The following MIOS variants were observed in gnomAD, a reference collection of about 807,000 sequenced individuals.
The protein encoded by MIOS is GATOR2 complex protein MIOS.
MIOS carries 52 observed loss-of-function variants against 96.9 expected under a neutral mutation model. That is an observed-to-expected ratio of 0.54 (90% CI 0.43 to 0.68). MIOS has a LOEUF of 0.68. MIOS is among the 30% of genes least tolerant of loss of function. The pLI is 0.00. For synonymous variants in MIOS, 397 were observed against 359.5 expected, an observed-to-expected ratio of 1.10 and a Z score of -1.18; for missense variants, 1,005 against 1,052.8, an observed-to-expected ratio of 0.95 and a Z score of 0.63.
In MIOS at chr7:7,585,656, G is replaced by A. The variant is rs181350559; in HGVS notation, c.1669G>A (p.Val557Ile). 8.5e-4 allele frequency: 1,357 copies of A among 1,588,660 alleles called. 10 individuals carry two copies. Among genetic ancestry groups the A allele is most frequent in the East Asian group, 5.3e-4 (23 of 43,156 alleles). ...TGCAGGAGATCTGAATCTCAATGTG[G>A]TAGCAATGGCTTTATCGGGTTATAC... ...SEKGDLNLNV[V>I]AMALSGYTDE... Residue 557 changes from valine (V) to isoleucine (I), a missense_variant, in exon 7 of 13, where the codon GTA (valine) becomes ATA (isoleucine). This residue lies in a region of MIOS where 865 missense variants were observed against 887.9 expected (regional missense o/e 0.97). Transcript: ENST00000340080.
intron 11 of MIOS, among the ~76,000 whole-genome samples, chr7:7,597,986 A>T (rs1175697076): frequency 6.6e-6 from 1 of 152,210 alleles, no homozygotes; most frequent in Non-Finnish European, 1.5e-5. Flanking sequence ...ATGGTTAGAA[A>T]TATTAAGATT....
intron 7 of MIOS, among the ~76,000 whole-genome samples, chr7:7,587,683 A>ATATG (rs1487804880): frequency 6.6e-6 from 1 of 152,142 alleles, no homozygotes; most frequent in Non-Finnish European, 1.5e-5. Context: ...GTTATATGAA[A>ATATG]TATGTTCTCT....
intron 11 of MIOS, among the ~76,000 whole-genome samples, chr7:7,598,205 T>G (rs1047268437): frequency 1.3e-5 from 2 of 152,220 alleles, no homozygotes; most frequent in Non-Finnish European, 2.9e-5. Context: ...AATGTCTGTT[T>G]TAATTCTAAC....
chr7:7,603,536 G>A (rs902754037), intron 11 of MIOS, among the ~76,000 whole-genome samples: 5 of 152,302 alleles, frequency 3.3e-5, no homozygotes, highest in African/African-American at 1.2e-4. Flanking sequence ...CAGTTAGAAT[G>A]GCGATCATTA....
Position 7,573,507 on chromosome 7 carries a change from C to G in MIOS, c.1032C>G (p.Asn344Lys). Residue 344 changes from asparagine to lysine, a missense_variant, in exon 4 of 13, where the codon AAC becomes AAG. Asn to Lys is a moderately conservative substitution (Grantham distance 94, BLOSUM62 0). This residue lies in a region of MIOS where 865 missense variants were observed against 887.9 expected (regional missense o/e 0.97). Transcript: ENST00000340080. The surrounding 1 kb of genome is among the most constrained non-coding windows in gnomAD (Gnocchi z 5.0). ...SQNRMIVVTP[N>K]RTMSDFTVFE... ...ATCGAATGATAGTTGTAACTCCCAA[C>G]CGAACAATGTCAGACTTCACTGTTT... The G allele has an allele frequency of 6.2e-7, 1 of 1,614,118 alleles. No homozygotes were observed.
rs538490864 is a variant in MIOS, at chr7:7,588,876, A to G, written c.1884+313A>G. ...CATTTTTACTACATTAAACAATGCTAAATGCCTATGCTGTGTATATAGTGA... is the reference window on the plus strand; with the variant it reads ...CATTTTTACTACATTAAACAATGCTGAATGCCTATGCTGTGTATATAGTGA... On this transcript the variant is annotated intron_variant, in intron 8 of 12. Coordinates refer to ENST00000340080, the MANE Select transcript of MIOS (RefSeq NM_019005.4). Among the ~76,000 whole-genome samples the G allele has an allele frequency of 2.6e-5, 4 of 152,246 alleles. No individual in the cohort carries two copies. The South Asian group carries it at 8.3e-4, about 32-fold the overall frequency.
At chr7:7,606,972 C>A (rs1222149834) in intron 12 of MIOS, 24 bp from the exon 13 acceptor site, 5 of 1,540,504 alleles carry the variant, frequency 3.2e-6, no homozygotes. Context: ...GGATTTTTAA[C>A]TGTTATTTGA....
chr7:7,604,110 T>C (rs1208917466), intron 11 of MIOS, among the ~76,000 whole-genome samples: 2 of 152,026 alleles, frequency 1.3e-5, no homozygotes, highest in Non-Finnish European at 2.9e-5. Context: ...ATATACCTAA[T>C]GCTAAATGAC....
At chr7:7,597,468 TTATATATA>T (rs1160646084) in intron 11 of MIOS, among the ~76,000 whole-genome samples, 198 of 11,642 alleles carry the variant, frequency 0.017, no homozygotes, top group Middle Eastern at 0.062. Flanking sequence ...CCTAGTAAAT[TTATATATA>T]TATATATATA....
intron 3 of MIOS, among the ~76,000 whole-genome samples, chr7:7,571,004 G>A (rs1253882146): frequency 6.6e-6 from 1 of 152,134 alleles, no homozygotes; most frequent in Non-Finnish European, 1.5e-5. Flanking sequence ...AAAAAGAAAA[G>A]CAATTATGTT....
chr7:7,571,266 A>G (rs1783343158), intron 3 of MIOS, among the ~76,000 whole-genome samples: 1 of 152,214 alleles, frequency 6.6e-6, no homozygotes, highest in African/African-American at 2.4e-5. Flanking sequence ...ACCATTTTTA[A>G]CTATAGCTAT....
At chr7:7,599,936 C>T (rs1216146585) in intron 11 of MIOS, among the ~76,000 whole-genome samples, 1 of 152,010 alleles carries the variant, frequency 6.6e-6, no homozygotes, top group Admixed American at 6.5e-5. Flanking sequence ...AACAGAAAAC[C>T]AAATACCACA....
At chr7:7,593,820 A>G (rs1004025156) in intron 9 of MIOS, among the ~76,000 whole-genome samples, 1 of 143,510 alleles carries the variant, frequency 7.0e-6, no homozygotes, top group African/African-American at 2.6e-5. Context: ...CAGAGGTTGC[A>G]GTGAGCCGAG....
At chr7:7,590,583 C>G (rs1784019195) in intron 9 of MIOS, among the ~76,000 whole-genome samples, 2 of 152,142 alleles carry the variant, frequency 1.3e-5, no homozygotes, top group African/African-American at 4.8e-5. Context: ...ATGGTTAAGT[C>G]TACCATCTTG....
chr7:7,569,000 T>C lies in MIOS; in HGVS notation c.-41+877T>C, dbSNP rs112601729. ...ATGTTTTGTAAGATGGATTTTTCTTTGTGGCATCAAGATTGCTTACCATAG... is the reference window on the plus strand; with the variant it reads ...ATGTTTTGTAAGATGGATTTTTCTTCGTGGCATCAAGATTGCTTACCATAG... On this transcript the variant is annotated intron_variant, in intron 3 of 12. Coordinates refer to ENST00000340080, the MANE Select transcript of MIOS (RefSeq NM_019005.4). Among the ~76,000 whole-genome samples the C allele has an allele frequency of 4.4e-3, 667 of 152,366 alleles. 3 individuals are homozygous for C. Among genetic ancestry groups the C allele is most frequent in the African/African-American group, 0.015 (628 of 41,576 alleles).
chr7:7,578,903 G>T (rs1450050284), intron 5 of MIOS, among the ~76,000 whole-genome samples: 2 of 152,044 alleles, frequency 1.3e-5, no homozygotes, highest in African/African-American at 2.4e-5. Flanking sequence ...TAGAGACAGG[G>T]TTTTGCCACA....
intron 5 of MIOS, among the ~76,000 whole-genome samples, chr7:7,575,328 C>G (rs563206655): frequency 6.6e-6 from 1 of 152,040 alleles, no homozygotes; most frequent in East Asian, 1.9e-4. Flanking sequence ...TTTTTAACGT[C>G]TTTCAAATTA....
chr7:7,572,446 T>G lies in MIOS; in HGVS notation c.-30T>G. On this transcript the variant is annotated 5_prime_UTR_variant, in exon 4 of 13. Coordinates refer to ENST00000340080, the MANE Select transcript of MIOS (RefSeq NM_019005.4). This position sits in a 1 kb window ranked among gnomAD's most constrained non-coding sequence, Gnocchi z 4.8. ...TTTAAACATTTTCAGTGAATGGACC[T>G]GAGTGGACCCTTTGATCACATCAGT... The G allele has an allele frequency of 1.3e-6, 2 of 1,536,684 alleles. No individual in the cohort carries two copies. Among genetic ancestry groups the G allele is most frequent in the Non-Finnish European group, 1.8e-6 (2 of 1,124,594 alleles).
At chr7:7,592,022 G>A (rs1486754057) in intron 9 of MIOS, among the ~76,000 whole-genome samples, 6 of 149,256 alleles carry the variant, frequency 4.0e-5, no homozygotes, top group Non-Finnish European at 7.4e-5. Context: ...GCTGTGTCAC[G>A]CAGGCTGGAG....
Sources: gnomAD v4.1 joint callset for allele counts (sites outside exome capture counted in the v4.1 genomes callset) on GRCh38, gnomAD v4.1.1 for gene constraint, gnomAD v4.1.1 regional missense constraint, Gnocchi (gnomAD v3.1) non-coding constraint, MANE v1.5 for transcripts, NCBI Gene and HGNC (gene_info 2026-07-23, HGNC 2026-07-21) for gene names.